The following ECE1 variants were observed in gnomAD, a reference collection of about 807,000 sequenced individuals.
ECE1 encodes endothelin converting enzyme 1, also known as endothelin-converting enzyme 1.
Under a neutral mutation model 98.6 loss-of-function variants are expected in ECE1, and 35 were observed. The ratio of observed to expected loss-of-function variants is 0.35; its 90% CI spans 0.27 to 0.47. ECE1 has a LOEUF of 0.47. Among genes scored for constraint, ECE1 ranks in the 20% least tolerant of loss-of-function variants. The pLI, the probability that ECE1 is intolerant of heterozygous loss-of-function variation, is 1.00. For synonymous variants in ECE1, 394 were observed against 407.1 expected (o/e 0.97, Z 0.39); for missense variants, 814 against 1,025.3 (o/e 0.79, Z 2.81).
chr1:21,307,348 G>A lies in ECE1; in HGVS notation c.4-17192C>T, dbSNP rs1350571565. On this transcript the variant is annotated intron_variant, in intron 1 of 18. Coordinates refer to the ECE1 transcript ENST00000415912. This position sits in a 1 kb window ranked among gnomAD's most constrained non-coding sequence, Gnocchi z 4.2. The stretch of plus-strand genomic sequence containing the variant: ...ACATTTGGCTGCTTAGCAGCTGTGT[G>A]ATGTTGAGCGAGTCATGTCACCTCT... 1.3e-5 allele frequency among the ~76,000 whole-genome samples: 2 copies of A among 152,162 alleles called. No individual in the cohort carries two copies. The highest frequency in any genetic ancestry group is 4.8e-5 in the African/African-American group (2 of 41,420).
intron 1 of ECE1, among the ~76,000 whole-genome samples, chr1:21,344,783 C>G (rs1487199422): frequency 1.3e-5 from 2 of 152,148 alleles, no homozygotes; most frequent in Non-Finnish European, 2.9e-5. Context: ...CCTGAGTGTC[C>G]CCTGGTCTCT....
rs910907856 is a variant in ECE1, at chr1:21,336,026, A to G, written c.3+9350T>C. On this transcript the variant is annotated intron_variant, in intron 1 of 18. Transcript: ENST00000415912. ...ACTGCCAGGCCCTGGGGGCAGGGGC[A>G]GGGCTACAGAGTGAATCTGGGGCAT... Among the ~76,000 whole-genome samples, 3 of 152,242 alleles carry G rather than the reference A, an allele frequency of 2.0e-5. No homozygotes were observed. In the East Asian group the frequency reaches 5.8e-4, roughly 29 times the overall value.
rs6698289 is a variant in ECE1 at position 21,220,359 on chromosome 1, G to C, written c.2137-228C>G. Among the ~76,000 whole-genome samples the C allele has an allele frequency of 0.14, 21,614 of 152,054 alleles. 3,600 individuals carry two copies. The highest frequency in any genetic ancestry group is 0.4 in the African/African-American group (16,722 of 41,410). ...AAAATTAAAAAAAAAATTAACCAGG[G>C]ATGGTGGTGTACACCTATGGTCCCA... On this transcript the variant is annotated intron_variant, in intron 18 of 18. Transcript: ENST00000374893. This position sits in a 1 kb window ranked among gnomAD's most constrained non-coding sequence, Gnocchi z 5.0.
intron 1 of ECE1, chr1:21,298,560 G>A (rs1259190357): frequency 2.8e-6 from 1 of 359,926 alleles, no homozygotes; most frequent in Non-Finnish European, 5.5e-6. Context: ...CCTCAGCCCA[G>A]TGCCTAGCAG....
intron 1 of ECE1, among the ~76,000 whole-genome samples, chr1:21,337,141 CAA>C (rs1639318998): frequency 6.6e-6 from 1 of 152,188 alleles, no homozygotes; most frequent in South Asian, 2.1e-4. Context: ...CTGAGGTCTG[CAA>C]AGAGTTACAT....
chr1:21,279,580 T>TTGTGTCACTCG, intron 2 of ECE1: 2 of 1,440,154 alleles, frequency 1.4e-6, no homozygotes, highest in Non-Finnish European at 1.8e-6. Flanking sequence ...GCTTGTTTTT[T>TTGTGTCACTCG]TGTGTCACTC....
chr1:21,308,928 G>T (rs895637908), intron 1 of ECE1, among the ~76,000 whole-genome samples: 3 of 152,186 alleles, frequency 2.0e-5, no homozygotes, highest in Non-Finnish European at 4.4e-5. Context: ...ATCTCCTGCA[G>T]CAGGCTTAGT....
At chr1:21,341,809 CTT>C (rs80221361) in intron 1 of ECE1, among the ~76,000 whole-genome samples, 1 of 145,754 alleles carries the variant, frequency 6.9e-6, no homozygotes, top group Non-Finnish European at 1.5e-5. Context: ...TTCTCCCTAC[CTT>C]TTTTTTTTTT....
intron 1 of ECE1, among the ~76,000 whole-genome samples, chr1:21,333,291 T>C (rs1639241863): frequency 6.9e-6 from 1 of 144,716 alleles, no homozygotes; most frequent in African/African-American, 2.5e-5. Context: ...CCACCCCTAT[T>C]TGGGCTGAAG....
At chr1:21,290,591 T>C (rs1177786064), upstream of ECE1, 2 of 1,193,422 alleles carry the variant, frequency 1.7e-6, no homozygotes, top group East Asian at 3.4e-5. The surrounding 1 kb of genome is among the most constrained non-coding windows in gnomAD (Gnocchi z 7.3). Context: ...TGGGGACCCC[T>C]CCCTTCCCCG....
chr1:21,237,021 T>G (rs2098189160), intron 11 of ECE1, among the ~76,000 whole-genome samples, 177 bp from the exon 12 acceptor site: 1 of 152,174 alleles, frequency 6.6e-6, no homozygotes, highest in Non-Finnish European at 1.5e-5. Context: ...GTGAACACCC[T>G]GCAAGACAGG....
intron 1 of ECE1, chr1:21,297,895 T>A (rs1286473180): frequency 6.6e-6 from 1 of 152,040 alleles, no homozygotes; most frequent in Non-Finnish European, 1.5e-5. Context: ...TGGAGTGCAG[T>A]GGTGTGATCA....
intron 3 of ECE1, among the ~76,000 whole-genome samples, chr1:21,277,558 A>G (rs2098248973): frequency 6.6e-6 from 1 of 152,106 alleles, no homozygotes; most frequent in Admixed American, 6.5e-5. Context: ...TCCTGTTAGC[A>G]GAGGAGGCAC....
chr1:21,262,775 T>C (rs1025089850), intron 4 of ECE1, among the ~76,000 whole-genome samples: 8 of 152,248 alleles, frequency 5.3e-5, no homozygotes, highest in Admixed American at 5.2e-4. Context: ...CCCTTGCTCC[T>C]TCGCTGAGAG....
intron 1 of ECE1, among the ~76,000 whole-genome samples, chr1:21,316,442 TA>T (rs146154226): frequency 0.072 from 10,868 of 151,936 alleles, 531 homozygotes; most frequent in Non-Finnish European, 0.11. Context: ...CTAATTTTTG[TA>T]TTTTTTTTTT....
At chr1:21,312,968 C>G (rs1283421739) in intron 1 of ECE1, among the ~76,000 whole-genome samples, 1 of 152,184 alleles carries the variant, frequency 6.6e-6, no homozygotes, top group Non-Finnish European at 1.5e-5. Flanking sequence ...CTATCATTGT[C>G]TCTCATTTTG....
chr1:21,254,285 T>A (rs1457580563), intron 8 of ECE1, among the ~76,000 whole-genome samples: 1 of 151,912 alleles, frequency 6.6e-6, no homozygotes, highest in Non-Finnish European at 1.5e-5. Flanking sequence ...GAACTTTGGG[T>A]ACTTAGAACA....
At chr1:21,278,734 T>C (rs188076771) in intron 3 of ECE1, among the ~76,000 whole-genome samples, 125 of 152,322 alleles carry the variant, frequency 8.2e-4, no homozygotes, top group African/African-American at 2.9e-3. Flanking sequence ...TGTTATTTTA[T>C]TGGAACTAGA....
chr1:21,333,778 G>A (rs780179811), intron 1 of ECE1, among the ~76,000 whole-genome samples: 54 of 152,064 alleles, frequency 3.6e-4, no homozygotes, highest in Non-Finnish European at 7.5e-4. Flanking sequence ...AGGTTGTAGT[G>A]AGCTGAGATC....
Sources: allele counts gnomAD v4.1 joint callset (sites outside exome capture counted in the v4.1 genomes callset), GRCh38; gene constraint gnomAD v4.1.1; non-coding constraint Gnocchi (gnomAD v3.1); transcripts MANE v1.5; gene names NCBI Gene and HGNC (gene_info 2026-07-23, HGNC 2026-07-21).